Variants in SCD5 observed in about 807,000 individuals in gnomAD.
SCD5 encodes acyl-CoA-desaturase 4.
A neutral mutation model predicts 30.4 loss-of-function variants in SCD5; 20 were observed. The observed-to-expected ratio is 0.66, with a 90% CI of 0.46 to 0.96. The LOEUF (loss-of-function observed/expected upper bound fraction) is 0.96. Among genes scored for constraint, SCD5 ranks in the 40% least tolerant of loss-of-function variants. The pLI, the probability that SCD5 is intolerant of heterozygous loss-of-function variation, is 0.00. For synonymous variants in SCD5, 173 were observed against 176.4 expected, an observed-to-expected ratio of 0.98 and a Z score of 0.16; for missense variants, 381 against 443.3, an observed-to-expected ratio of 0.86 and a Z score of 1.26.
At chr4:82,640,816 C>T (rs903772473) in intron 3 of SCD5, among the ~76,000 whole-genome samples, 6 of 152,214 alleles carry the variant, frequency 3.9e-5, no homozygotes, top group African/African-American at 9.7e-5. Flanking sequence ...AACTCCACGA[C>T]GCCCTCTTGC....
chr4:82,653,725 T>TAGATATAGATAGATAGATAGATATAG (rs1553914427), intron 3 of SCD5, among the ~76,000 whole-genome samples: 1 of 148,426 alleles, frequency 6.7e-6, no homozygotes, highest in African/African-American at 2.5e-5. Flanking sequence ...GATAGATAGA[T>TAGATATAGATAGATAGATAGATATAG]ATAGATAGAT....
chr4:82,687,585 C>T (rs1728739572), intron 2 of SCD5, among the ~76,000 whole-genome samples: 1 of 152,198 alleles, frequency 6.6e-6, no homozygotes, highest in South Asian at 2.1e-4. Flanking sequence ...CAACCAATCA[C>T]ACGTCAAGTG....
intron 1 of SCD5, 86 bp downstream of exon 1, chr4:82,798,220 C>A: frequency 3.4e-6 from 4 of 1,179,414 alleles, no homozygotes; most frequent in Non-Finnish European, 4.2e-6. Context: ...GCACCGCCCG[C>A]AGCCGAGGGG....
chr4:82,780,817 C>G (rs906107814), intron 1 of SCD5, among the ~76,000 whole-genome samples: 6 of 152,268 alleles, frequency 3.9e-5, no homozygotes, highest in South Asian at 2.1e-4. Flanking sequence ...CCAGGAGGCC[C>G]CAGGGGGCCA....
chr4:82,653,994 C>T (rs753182478), intron 3 of SCD5, among the ~76,000 whole-genome samples: 10 of 151,914 alleles, frequency 6.6e-5, no homozygotes, highest in African/African-American at 9.7e-5. Context: ...CTGGGCTCAC[C>T]GCAGCTTCTG....
intron 2 of SCD5, among the ~76,000 whole-genome samples, chr4:82,698,392 T>C (rs754237385): frequency 1.6e-4 from 24 of 152,194 alleles, no homozygotes; most frequent in Non-Finnish European, 2.9e-4. Flanking sequence ...GTCTCCCTCC[T>C]TGACATGCAC....
At chr4:82,775,223 T>C (rs762689483) in intron 1 of SCD5, among the ~76,000 whole-genome samples, 7 of 152,212 alleles carry the variant, frequency 4.6e-5, no homozygotes, top group Non-Finnish European at 8.8e-5. Context: ...GGACCACAGT[T>C]GCTTCCCTCT....
At chr4:82,668,126 A>G (rs1728231297) in intron 3 of SCD5, among the ~76,000 whole-genome samples, 1 of 152,234 alleles carries the variant, frequency 6.6e-6, no homozygotes, top group African/African-American at 2.4e-5. Flanking sequence ...AGAGAAGAAG[A>G]ACATCATGGC....
At chr4:82,729,350 C>T (rs555516826) in intron 1 of SCD5, among the ~76,000 whole-genome samples, 186 of 152,274 alleles carry the variant, frequency 1.2e-3, no homozygotes, top group Non-Finnish European at 2.2e-3. Context: ...AGGAGGGAGG[C>T]TGGCCTGGAG....
intron 2 of SCD5, among the ~76,000 whole-genome samples, chr4:82,700,109 C>T (rs11933354): frequency 7.2e-5 from 11 of 151,888 alleles, no homozygotes; most frequent in South Asian, 4.2e-4. Context: ...CCCAGCTACT[C>T]GGGTGGCTTA....
chr4:82,690,096 C>A (rs1728799147), intron 2 of SCD5, among the ~76,000 whole-genome samples: 1 of 152,136 alleles, frequency 6.6e-6, no homozygotes, highest in Non-Finnish European at 1.5e-5. Flanking sequence ...GGACCCTGAA[C>A]TATTATAGAA....
intron 2 of SCD5, among the ~76,000 whole-genome samples, chr4:82,703,675 G>A (rs980154267): frequency 5.3e-5 from 8 of 152,108 alleles, no homozygotes; most frequent in Admixed American, 2.0e-4. Context: ...TTATAAACAA[G>A]TAGTTTCATG....
intron 3 of SCD5, among the ~76,000 whole-genome samples, chr4:82,674,083 T>G (rs1006490811): frequency 6.6e-5 from 10 of 152,134 alleles, no homozygotes; most frequent in Non-Finnish European, 1.3e-4. Flanking sequence ...TAGATGACTC[T>G]GGGTTTGACA....
intron 3 of SCD5, among the ~76,000 whole-genome samples, chr4:82,674,092 C>A (rs963757232): frequency 5.3e-5 from 8 of 152,022 alleles, no homozygotes; most frequent in African/African-American, 1.9e-4. Flanking sequence ...CTGGGTTTGA[C>A]AATTTATATA....
At chr4:82,737,927 A>G (rs1004618105) in intron 1 of SCD5, among the ~76,000 whole-genome samples, 6 of 149,848 alleles carry the variant, frequency 4.0e-5, no homozygotes, top group African/African-American at 1.5e-4. Context: ...AACACTTTAC[A>G]GATTGGACCT....
intron 1 of SCD5, among the ~76,000 whole-genome samples, chr4:82,723,120 C>T (rs1223256011): frequency 6.6e-6 from 1 of 151,258 alleles, no homozygotes; most frequent in East Asian, 1.9e-4. Flanking sequence ...GCTGGTTTAC[C>T]TTCACCTCAG....
At chr4:82,780,737 T>C (rs550809999) in intron 1 of SCD5, among the ~76,000 whole-genome samples, 23 of 152,382 alleles carry the variant, frequency 1.5e-4, no homozygotes, top group African/African-American at 5.5e-4. Flanking sequence ...ACTTCAGCTA[T>C]TCAGCAAAAA....
chr4:82,694,653 A>G (rs1023617602), intron 2 of SCD5, among the ~76,000 whole-genome samples: 1 of 149,588 alleles, frequency 6.7e-6, no homozygotes, highest in African/African-American at 2.5e-5. Context: ...TTGAATCAAT[A>G]ACTCTGCAGA....
At chr4:82,741,102 T>C (rs1720863109) in intron 1 of SCD5, among the ~76,000 whole-genome samples, 1 of 13,600 alleles carries the variant, frequency 7.4e-5, no homozygotes, top group African/African-American at 1.8e-4. Flanking sequence ...CCAGCTAATT[T>C]TTTTTTTTTT....
Sources: allele counts gnomAD v4.1 joint callset (sites outside exome capture counted in the v4.1 genomes callset), GRCh38; gene constraint gnomAD v4.1.1; transcripts MANE v1.5; gene names NCBI Gene and HGNC (gene_info 2026-07-23, HGNC 2026-07-21).